Variants in COX19 observed in about 807,000 individuals in gnomAD.
The protein encoded by COX19 is cytochrome c oxidase assembly factor COX19.
Under a neutral mutation model 6.8 loss-of-function variants are expected in COX19, and 8 were observed. The ratio of observed to expected loss-of-function variants is 1.18; its 90% CI spans 0.69 to 2.12. The LOEUF (loss-of-function observed/expected upper bound fraction) is 2.12. Ranked by LOEUF, COX19 falls within the 30% of genes most tolerant of loss-of-function variation. The pLI is 0.00. For synonymous variants in COX19, 51 were observed against 38.0 expected, an observed-to-expected ratio of 1.34 and a Z score of -1.26; for missense variants, 131 against 104.6, an observed-to-expected ratio of 1.25 and a Z score of -1.10.
rs1156908592 is a variant in COX19, at chr7:965,302, T to C, written c.*4076A>G. On this transcript the variant is annotated 3_prime_UTR_variant, in exon 3 of 3. Transcript: ENST00000344111. ...AAAGTTCCAAAAATAGGACAGTGTG[T>C]ATACCCAGTTCCCCAAATAACATCT... Among the ~76,000 whole-genome samples, 1 of 152,250 alleles carries C rather than the reference T, an allele frequency of 6.6e-6. No homozygotes were observed. Among genetic ancestry groups the C allele is most frequent in the Non-Finnish European group, 1.5e-5 (1 of 68,046 alleles).
chr7:966,492 C>T lies in COX19; in HGVS notation c.*2886G>A, dbSNP rs34082940. On this transcript the variant is annotated 3_prime_UTR_variant, in exon 3 of 3. Coordinates refer to ENST00000344111, the MANE Select transcript of COX19 (RefSeq NM_001031617.3). ...GCTCACACTGCCCCAGGCTGGCCAC[C>T]GTATGCTCCTTCCCATCCCCCCGTG... The T allele has an allele frequency of 0.089, 13,499 of 152,424 alleles. 728 individuals are homozygous for T. Among genetic ancestry groups the T allele is most frequent in the South Asian group, 0.15 (714 of 4,836 alleles). 9.4% of individuals were successfully genotyped at this position (152,424 alleles called of 1,614,324 possible).
In COX19 at chr7:965,656, GTTTTT is replaced by G. The variant is rs376042053; in HGVS notation, c.*3717_*3721del. ...ACCACTCACTTCATGGCAACTGAGGGTTTTTTTTTGAGACGGTTCTGTCGCCCAGG... is the reference window on the plus strand; with the variant it reads ...ACCACTCACTTCATGGCAACTGAGGGTTTTGAGACGGTTCTGTCGCCCAGG... On this transcript the variant is annotated 3_prime_UTR_variant, in exon 3 of 3. Transcript: ENST00000344111. Among the ~76,000 whole-genome samples, 7 of 151,666 alleles carry G rather than the reference GTTTTT, an allele frequency of 4.6e-5. No individual in the cohort carries two copies. The highest frequency in any genetic ancestry group is 3.9e-4 in the Admixed American group (6 of 15,208).
Position 969,168 on chromosome 7 carries a change from C to T in COX19, c.*210G>A. 2 of 540,148 alleles carry T rather than the reference C, an allele frequency of 3.7e-6. No homozygotes were observed. The highest frequency in any genetic ancestry group is 3.3e-6 in the Non-Finnish European group (1 of 304,572). 33.5% of individuals were successfully genotyped at this position (540,148 alleles called of 1,614,324 possible). A position where few individuals can be genotyped will look rare whatever the true frequency, so the allele number is the denominator to read the frequency against. ...CTCCCAGCTTTGCCGGGAACGCCGT[C>T]CCACTCAGGGGTTCAATGCAGAAAC... On this transcript the variant is annotated 3_prime_UTR_variant, in exon 3 of 3. Coordinates refer to ENST00000344111, the MANE Select transcript of COX19 (RefSeq NM_001031617.3).
rs1044223727 is a variant in COX19 at position 965,564 on chromosome 7, G to A, written c.*3814C>T. Among the ~76,000 whole-genome samples, 4 of 152,204 alleles carry A rather than the reference G, an allele frequency of 2.6e-5. No individual in the cohort carries two copies. Among genetic ancestry groups the A allele is most frequent in the African/African-American group, 4.8e-5 (2 of 41,438 alleles). ...TCTGCTGTGACATGACTGTCTCCTC[G>A]GAGGTCACTATGCATCTCAAGGGGA... On this transcript the variant is annotated 3_prime_UTR_variant, in exon 3 of 3. Transcript: ENST00000344111.
chr7:973,404 G>A (rs1466543340), intron 1 of COX19, 112 bp from the exon 2 acceptor site: 17 of 1,335,640 alleles, frequency 1.3e-5, no homozygotes, highest in Middle Eastern at 2.1e-4. Context: ...TCCTCAGGCC[G>A]GGCGCAGTGG....
At chr7:970,707 T>C (rs1847622756) in intron 2 of COX19, among the ~76,000 whole-genome samples, 1 of 152,168 alleles carries the variant, frequency 6.6e-6, no homozygotes, top group Non-Finnish European at 1.5e-5. Context: ...AGTGTTGGAA[T>C]TACGGGCGTG....
chr7:972,971 C>G (rs1436201099), intron 2 of COX19: 1 of 351,850 alleles, frequency 2.8e-6, no homozygotes, highest in Non-Finnish European at 5.2e-6. Flanking sequence ...AACGCTATCG[C>G]TCAAGAAGAG....
In COX19 at chr7:968,128, C is replaced by T. The variant is rs1433641788; in HGVS notation, c.*1250G>A. On this transcript the variant is annotated 3_prime_UTR_variant, in exon 3 of 3. Coordinates refer to ENST00000344111, the MANE Select transcript of COX19 (RefSeq NM_001031617.3). The stretch of plus-strand genomic sequence containing the variant: ...GTGGTAGAACCCATGGGTGCAGGGA[C>T]ACAGGGTTGGGCGGGCCCAGCCGCA... The T allele has an allele frequency of 1.3e-5, 2 of 152,320 alleles. No homozygotes were observed. The highest frequency in any genetic ancestry group is 1.5e-5 in the Non-Finnish European group (1 of 68,116). 9.4% of individuals were successfully genotyped at this position (152,320 alleles called of 1,614,324 possible). A position where few individuals can be genotyped will look rare whatever the true frequency, so the allele number is the denominator to read the frequency against.
Position 973,173 on chromosome 7 carries a change from G to C in COX19, c.194+8C>G. The C allele has an allele frequency of 6.4e-7, 1 of 1,568,358 alleles. No individual in the cohort carries two copies. The highest frequency in any genetic ancestry group is 1.2e-5 in the South Asian group (1 of 84,618). On this transcript the variant is annotated splice_region_variant and intron_variant, in intron 2 of 2. Coordinates refer to ENST00000344111, the MANE Select transcript of COX19 (RefSeq NM_001031617.3). Reference sequence around the variant, plus strand: ...GAGGTGGAAATCATAACGCTTAGCTGTACTCACCTCTCCATCCTGCATTCT... The same window carrying C: ...GAGGTGGAAATCATAACGCTTAGCTCTACTCACCTCTCCATCCTGCATTCT...
rs1847559434 is a variant in COX19, at chr7:966,658, G to A, written c.*2720C>T. ...TGAGTGCACGGGTCACTGCGTCCAG[G>A]CCCTCAAGAGCTGGGAAGCATTTGT... On this transcript the variant is annotated 3_prime_UTR_variant, in exon 3 of 3. Transcript: ENST00000344111. 6.6e-6 allele frequency: 1 copy of A among 152,216 alleles called. No homozygotes were observed. Among genetic ancestry groups the A allele is most frequent in the African/African-American group, 2.4e-5 (1 of 41,428 alleles). 9.4% of individuals were successfully genotyped at this position (152,216 alleles called of 1,614,324 possible).
intron 2 of COX19, among the ~76,000 whole-genome samples, chr7:971,526 C>T (rs1847634747): frequency 1.3e-5 from 2 of 152,024 alleles, no homozygotes; most frequent in African/African-American, 2.4e-5. Flanking sequence ...AAATAACTGA[C>T]CTTATAGAAA....
rs942672462 is a variant in COX19, at chr7:968,074, C to G, written c.*1304G>C. 1 of 152,296 alleles carries G rather than the reference C, an allele frequency of 6.6e-6. No individual in the cohort carries two copies. The allele number at this position is 152,296 out of a possible 1,614,324, so 9.4% of individuals were successfully genotyped here. Reference sequence around the variant, plus strand: ...TCAGAGGCCTGACAGAGAGCAGACACGGGACAGTGACAGCTGCAGCCGAAT... The same window carrying G: ...TCAGAGGCCTGACAGAGAGCAGACAGGGGACAGTGACAGCTGCAGCCGAAT... On this transcript the variant is annotated 3_prime_UTR_variant, in exon 3 of 3. Transcript: ENST00000344111.
rs190260500 is a variant in COX19, at chr7:973,914, C to G, written c.83-622G>C. Among the ~76,000 whole-genome samples, 505 of 152,008 alleles carry G rather than the reference C, an allele frequency of 3.3e-3. 4 individuals are homozygous for G. Among genetic ancestry groups the G allele is most frequent in the African/African-American group, 0.012 (485 of 41,434 alleles). ...CCAGGAAGCGGAGGTTGCAGCGAGT[C>G]GAGATCACACCACTGCACTCCAGCC... On this transcript the variant is annotated intron_variant, in intron 1 of 2. Coordinates refer to ENST00000344111, the MANE Select transcript of COX19 (RefSeq NM_001031617.3).
Position 969,309 on chromosome 7 carries a change from A to G in COX19, c.*69T>C. The G allele has an allele frequency of 2.0e-6, 2 of 990,332 alleles. No individual in the cohort carries two copies. The highest frequency in any genetic ancestry group is 2.6e-5 in the South Asian group (2 of 77,728). The allele number at this position is 990,332 out of a possible 1,614,324, so 61.3% of individuals were successfully genotyped here. The stretch of plus-strand genomic sequence containing the variant: ...ACCACACGCAGGCCTCAGCCAACCT[A>G]AGAGGCAGGATGATGCCCTCCGTCC... On this transcript the variant is annotated 3_prime_UTR_variant, in exon 3 of 3. Coordinates refer to ENST00000344111, the MANE Select transcript of COX19 (RefSeq NM_001031617.3).
intron 2 of COX19, among the ~76,000 whole-genome samples, chr7:971,827 T>C (rs1359186102): frequency 1.3e-5 from 2 of 152,308 alleles, no homozygotes; most frequent in South Asian, 2.1e-4. Flanking sequence ...GCTGAGATCA[T>C]GCCACTGCGC....
chr7:969,034 A>G lies in COX19; in HGVS notation c.*344T>C, dbSNP rs557536956. ...GTGTTCAGAAGGGACTGAAATTTAT[A>G]CATTTACCTCTTTGAACTCAGAAAG... On this transcript the variant is annotated 3_prime_UTR_variant, in exon 3 of 3. Coordinates refer to ENST00000344111, the MANE Select transcript of COX19 (RefSeq NM_001031617.3). The G allele has an allele frequency of 1.5e-4, 31 of 208,618 alleles. No homozygotes were observed. The highest frequency in any genetic ancestry group is 7.1e-4 in the African/African-American group (31 of 43,404). The allele number at this position is 208,618 out of a possible 1,614,324, so 12.9% of individuals were successfully genotyped here. A position where few individuals can be genotyped will look rare whatever the true frequency, so the allele number is the denominator to read the frequency against.
chr7:972,717 A>G (rs1163321173), intron 2 of COX19: 2 of 152,366 alleles, frequency 1.3e-5, no homozygotes, highest in African/African-American at 4.8e-5. Context: ...AGAATCATTC[A>G]TCTTTCATCA....
intron 2 of COX19, among the ~76,000 whole-genome samples, chr7:971,088 T>C (rs1313123850): frequency 6.6e-6 from 1 of 152,154 alleles, no homozygotes; most frequent in African/African-American, 2.4e-5. Flanking sequence ...GGCCCAGCCA[T>C]CATCCCATGA....
intron 2 of COX19, among the ~76,000 whole-genome samples, chr7:972,423 G>A (rs1035289867): frequency 1.2e-4 from 18 of 152,234 alleles, no homozygotes; most frequent in African/African-American, 3.9e-4. Flanking sequence ...GTCTGAGTAT[G>A]TTATGGGAAC....
Sources: gnomAD v4.1 joint callset for allele counts (sites outside exome capture counted in the v4.1 genomes callset) on GRCh38, gnomAD v4.1.1 for gene constraint, MANE v1.5 for transcripts, NCBI Gene and HGNC (gene_info 2026-07-23, HGNC 2026-07-21) for gene names.